Variants in EPHA6 observed in about 807,000 individuals in gnomAD.
EPHA6 encodes EPH receptor A6.
A neutral mutation model predicts 112.0 loss-of-function variants in EPHA6; 50 were observed. That is an observed-to-expected ratio of 0.45 (90% confidence interval 0.36 to 0.56). EPHA6 has a LOEUF of 0.56. EPHA6 is among the 20% of genes least tolerant of loss of function. The pLI is 0.00. For missense variants in EPHA6, 1,280 were observed against 1,417.4 expected, an observed-to-expected ratio of 0.90 and a Z score of 1.56; for synonymous variants, 529 against 490.7, an observed-to-expected ratio of 1.08 and a Z score of -1.03.
At chr3:96,927,630 A>G (rs1292914073) in intron 2 of EPHA6, among the ~76,000 whole-genome samples, 3 of 152,082 alleles carry the variant, frequency 2.0e-5, no homozygotes, top group Non-Finnish European at 4.4e-5. Flanking sequence ...TCTCATCTCC[A>G]TCTGAGACCA....
chr3:97,396,898 A>G (rs1456886186), intron 5 of EPHA6, among the ~76,000 whole-genome samples: 1 of 151,792 alleles, frequency 6.6e-6, no homozygotes, highest in Middle Eastern at 3.2e-3. Flanking sequence ...TACTCATCTA[A>G]TTGTAAATGA....
chr3:96,902,167 T>C (rs998565749), intron 2 of EPHA6, among the ~76,000 whole-genome samples: 1 of 152,164 alleles, frequency 6.6e-6, no homozygotes. Context: ...TAACATCTTA[T>C]GAAATTGCTG....
intron 3 of EPHA6, among the ~76,000 whole-genome samples, chr3:96,993,388 C>T (rs1047508806): frequency 4.0e-5 from 6 of 151,796 alleles, no homozygotes; most frequent in Non-Finnish European, 8.8e-5. Context: ...CTTCCGCCTC[C>T]TGGGTTCAAG....
intron 14 of EPHA6, among the ~76,000 whole-genome samples, chr3:97,701,594 T>A (rs2033393825): frequency 6.6e-6 from 1 of 151,138 alleles, no homozygotes; most frequent in Admixed American, 6.6e-5. Flanking sequence ...TTTATCTTCA[T>A]CATGGATTAT....
intron 3 of EPHA6, among the ~76,000 whole-genome samples, chr3:97,029,203 T>C (rs2044741352): frequency 6.6e-6 from 1 of 151,798 alleles, no homozygotes; most frequent in Non-Finnish European, 1.5e-5. Flanking sequence ...TAGCTAGATA[T>C]AAACAGAGTA....
At chr3:97,228,198 C>A (rs1358261908) in intron 4 of EPHA6, among the ~76,000 whole-genome samples, 1 of 151,954 alleles carries the variant, frequency 6.6e-6, no homozygotes, top group Non-Finnish European at 1.5e-5. Context: ...TTTTGGGGAA[C>A]AGGTGGTGTT....
At chr3:97,319,762 T>A (rs942000141) in intron 5 of EPHA6, among the ~76,000 whole-genome samples, 3 of 151,818 alleles carry the variant, frequency 2.0e-5, no homozygotes, top group African/African-American at 7.3e-5. Context: ...CCATTTTTTC[T>A]TAATATTACT....
chr3:97,559,710 A>G (rs184435114), intron 11 of EPHA6: 143 of 432,674 alleles, frequency 3.3e-4, no homozygotes, highest in African/African-American at 2.7e-3. Flanking sequence ...CACAAGAGTG[A>G]AGCTTCCTTA....
intron 2 of EPHA6, among the ~76,000 whole-genome samples, chr3:96,908,094 C>T (rs2107594591): frequency 6.6e-6 from 1 of 151,944 alleles, no homozygotes; most frequent in Admixed American, 6.6e-5. Context: ...AGTTGTAACA[C>T]AATGGTAAGT....
At chr3:97,366,702 T>A (rs540827658) in intron 5 of EPHA6, among the ~76,000 whole-genome samples, 32 of 152,252 alleles carry the variant, frequency 2.1e-4, no homozygotes, top group Non-Finnish European at 4.0e-4. Context: ...AGAAAAAGTG[T>A]ATGTTTGGAA....
chr3:97,142,322 G>A (rs2075929675), intron 3 of EPHA6, among the ~76,000 whole-genome samples: 1 of 151,962 alleles, frequency 6.6e-6, no homozygotes, highest in African/African-American at 2.4e-5. Context: ...GGCTCAAAGA[G>A]TGTGTTTATG....
intron 14 of EPHA6, among the ~76,000 whole-genome samples, chr3:97,712,355 G>A (rs1346347813): frequency 6.6e-6 from 1 of 152,112 alleles, no homozygotes; most frequent in African/African-American, 2.4e-5. Flanking sequence ...AGATAAGAGT[G>A]GGAATAGTAT....
intron 5 of EPHA6, among the ~76,000 whole-genome samples, chr3:97,263,089 A>G (rs914425234): frequency 4.6e-5 from 7 of 152,224 alleles, no homozygotes; most frequent in African/African-American, 1.7e-4. Flanking sequence ...AATTATTAAA[A>G]TACTCTGTAT....
intron 2 of EPHA6, among the ~76,000 whole-genome samples, chr3:96,871,509 AT>A (rs550031346): frequency 3.1e-4 from 47 of 151,352 alleles, no homozygotes; most frequent in South Asian, 1.9e-3. Context: ...TGTATCAAAT[AT>A]TTTTTTTTCT....
At chr3:97,646,400 A>G in intron 14 of EPHA6, 1 of 946,198 alleles carries the variant, frequency 1.1e-6, no homozygotes, top group Non-Finnish European at 1.5e-6. Flanking sequence ...AAAGTAAATG[A>G]AGAATGAGAT....
At chr3:96,880,539 G>A (rs2037251238) in intron 2 of EPHA6, among the ~76,000 whole-genome samples, 1 of 152,040 alleles carries the variant, frequency 6.6e-6, no homozygotes, top group African/African-American at 2.4e-5. Flanking sequence ...AAAAAATTGA[G>A]TTGAAATGAA....
intron 3 of EPHA6, among the ~76,000 whole-genome samples, chr3:97,193,868 C>A (rs1051437266): frequency 5.3e-5 from 8 of 152,108 alleles, no homozygotes; most frequent in African/African-American, 1.4e-4. Flanking sequence ...TGAATTTTAT[C>A]CAATGCTTTT....
rs140509362 is a variant in EPHA6, at chr3:97,731,824, T to C, written c.2935-4101T>C. ...ACTCATCATCACTCCAACCCGAGAATTGCTTCTTCTCCTCTGTCCTCTCTC... is the reference window on the plus strand; with the variant it reads ...ACTCATCATCACTCCAACCCGAGAACTGCTTCTTCTCCTCTGTCCTCTCTC... On this transcript the variant is annotated intron_variant, in intron 15 of 17. Transcript: ENST00000389672. Among the ~76,000 whole-genome samples the C allele has an allele frequency of 2.5e-4, 38 of 152,142 alleles. 2 individuals are homozygous for C. The East Asian group carries it at 7.4e-3, about 30-fold the overall frequency.
rs1443042167 is a variant in EPHA6, at chr3:97,646,057, C to T, written c.2784+7975C>T. ...AACAGTATGCTACATGGAAGCTATC[C>T]TTTTCTAATCAAAATACGGACAGAA... On this transcript the variant is annotated intron_variant, in intron 14 of 17. Coordinates refer to ENST00000389672, the MANE Select transcript of EPHA6 (RefSeq NM_001080448.3). 18 of 1,284,170 alleles carry T rather than the reference C, an allele frequency of 1.4e-5. No homozygotes were observed. In the East Asian group the frequency reaches 4.4e-4, roughly 32 times the overall value. The allele number at this position is 1,284,170 out of a possible 1,614,324, so 79.5% of individuals were successfully genotyped here.
Sources: allele counts gnomAD v4.1 joint callset (sites outside exome capture counted in the v4.1 genomes callset), GRCh38; gene constraint gnomAD v4.1.1; transcripts MANE v1.5; gene names NCBI Gene and HGNC (gene_info 2026-07-23, HGNC 2026-07-21).